Variants in OXSR1 observed in about 807,000 individuals in gnomAD.
OXSR1 encodes the protein oxidative stress responsive kinase 1, also known as serine/threonine-protein kinase OSR1.
A neutral mutation model predicts 79.8 loss-of-function variants in OXSR1; 24 were observed. That is an observed-to-expected ratio of 0.30 (90% CI 0.22 to 0.42). The LOEUF (loss-of-function observed/expected upper bound fraction) is 0.42. Ranked by LOEUF, OXSR1 falls within the 10% of genes least tolerant of loss-of-function variation. OXSR1 has a pLI of 1.00. For synonymous variants in OXSR1, 226 were observed against 209.2 expected, an observed-to-expected ratio of 1.08 and a Z score of -0.69; for missense variants, 430 against 618.4, an observed-to-expected ratio of 0.70 and a Z score of 3.23.
In OXSR1 at chr3:38,165,841, G is replaced by A. The variant is rs1477035214; in HGVS notation, c.-36G>A. 4 of 1,585,348 alleles carry A rather than the reference G, an allele frequency of 2.5e-6. No individual in the cohort carries two copies. The Admixed American group carries it at 6.9e-5, about 28-fold the overall frequency. ...CGGCGAGGAGACGAGCGAGGTCAGC[G>A]AGTTTGAGGGAGGACCGCGAGCCGC... On this transcript the variant is annotated 5_prime_UTR_variant, in exon 1 of 18. Coordinates refer to ENST00000311806, the MANE Select transcript of OXSR1 (RefSeq NM_005109.3).
chr3:38,247,780 T>G, intron 14 of OXSR1, 48 bp downstream of exon 14: 2 of 1,192,930 alleles, frequency 1.7e-6, no homozygotes, highest in Non-Finnish European at 2.5e-6. Context: ...CTGAATATTC[T>G]GCATGTGCTG....
intron 12 of OXSR1, 114 bp from the exon 13 acceptor site, chr3:38,245,961 A>G: frequency 1.1e-6 from 1 of 877,770 alleles, no homozygotes; most frequent in Admixed American, 1.8e-5. Context: ...CAAAACCTGT[A>G]CACTACCCAA....
At chr3:38,231,419 T>C (rs1244269591) in intron 10 of OXSR1, among the ~76,000 whole-genome samples, 4 of 152,162 alleles carry the variant, frequency 2.6e-5, no homozygotes, top group Non-Finnish European at 1.5e-5. Context: ...TGGACAATTA[T>C]TCTCATGGAT....
At chr3:38,177,791 T>C (rs994144095) in intron 1 of OXSR1, among the ~76,000 whole-genome samples, 3 of 152,158 alleles carry the variant, frequency 2.0e-5, no homozygotes, top group Non-Finnish European at 4.4e-5. Context: ...TCTTGCCATG[T>C]TGCCCAGGCT....
upstream of OXSR1, chr3:38,165,219 A>C (rs1271444607): frequency 6.6e-6 from 1 of 152,356 alleles, no homozygotes; most frequent in Non-Finnish European, 1.5e-5. Context: ...GCGACGACGG[A>C]GACAGCAGCG....
At chr3:38,207,675 G>T (rs552421251) in intron 4 of OXSR1, among the ~76,000 whole-genome samples, 1 of 152,242 alleles carries the variant, frequency 6.6e-6, no homozygotes, top group South Asian at 2.1e-4. Flanking sequence ...AATATCAGTA[G>T]TGCTGGGACA....
At chr3:38,230,264 A>G (rs1228579832) in intron 9 of OXSR1, 101 bp from the exon 10 acceptor site, 1 of 748,758 alleles carries the variant, frequency 1.3e-6, no homozygotes, top group African/African-American at 1.8e-5. Context: ...TCATTACAGA[A>G]CAGTTACTAT....
chr3:38,244,187 TCTC>T (rs1703090766), intron 12 of OXSR1, among the ~76,000 whole-genome samples: 1 of 152,188 alleles, frequency 6.6e-6, no homozygotes, highest in South Asian at 2.1e-4. Flanking sequence ...TTTTTAGTCT[TCTC>T]CTTGTTCCTT....
chr3:38,206,668 G>A (rs1303988887), intron 4 of OXSR1, among the ~76,000 whole-genome samples: 1 of 152,108 alleles, frequency 6.6e-6, no homozygotes, highest in Non-Finnish European at 1.5e-5. Flanking sequence ...ATAGATATAT[G>A]GATATGCTAA....
At chr3:38,194,642 A>T (rs1340069241) in intron 3 of OXSR1, among the ~76,000 whole-genome samples, 1 of 152,178 alleles carries the variant, frequency 6.6e-6, no homozygotes, top group Non-Finnish European at 1.5e-5. Context: ...TAGAGAGAAT[A>T]CTGTGGAAAC....
chr3:38,211,642 G>A (rs549482745), intron 4 of OXSR1, among the ~76,000 whole-genome samples: 2 of 152,222 alleles, frequency 1.3e-5, no homozygotes, highest in Non-Finnish European at 2.9e-5. Context: ...GGGAGTTTTA[G>A]TTTTAGCTCC....
intron 5 of OXSR1, among the ~76,000 whole-genome samples, chr3:38,220,626 A>G (rs1702570258): frequency 6.6e-6 from 1 of 152,234 alleles, no homozygotes; most frequent in African/African-American, 2.4e-5. Context: ...AGAATAAAAC[A>G]AATCTAGCCT....
chr3:38,183,512 G>C (rs1352536660), intron 2 of OXSR1, among the ~76,000 whole-genome samples: 4 of 152,092 alleles, frequency 2.6e-5, no homozygotes, highest in Admixed American at 2.6e-4. Flanking sequence ...TATGATATTT[G>C]CTAATTACTT....
chr3:38,166,016 C>A, intron 1 of OXSR1, 70 bp downstream of exon 1: 1 of 1,399,336 alleles, frequency 7.1e-7, no homozygotes, highest in Non-Finnish European at 1.0e-6. Flanking sequence ...CGTGGGGAGC[C>A]GCGGGAGCTC....
chr3:38,187,029 G>C (rs1387546852), intron 2 of OXSR1, among the ~76,000 whole-genome samples: 7 of 151,978 alleles, frequency 4.6e-5, no homozygotes, highest in Non-Finnish European at 1.0e-4. Flanking sequence ...TGTAATATTT[G>C]GCAAAGTGAA....
intron 2 of OXSR1, among the ~76,000 whole-genome samples, chr3:38,184,954 G>GTTTTTTTTT (rs1559503629): frequency 7.3e-5 from 7 of 96,226 alleles, no homozygotes; most frequent in Admixed American, 1.2e-4. Flanking sequence ...TTTTTTTTGG[G>GTTTTTTTTT]TTTCTTTGAG....
chr3:38,215,167 T>C (rs1702458766), intron 4 of OXSR1, among the ~76,000 whole-genome samples: 1 of 152,332 alleles, frequency 6.6e-6, no homozygotes, highest in Non-Finnish European at 1.5e-5. Context: ...AATGCACTGG[T>C]CTCTTATTTG....
chr3:38,168,801 T>G (rs1430102390), intron 1 of OXSR1, among the ~76,000 whole-genome samples: 1 of 152,220 alleles, frequency 6.6e-6, no homozygotes, highest in African/African-American at 2.4e-5. Flanking sequence ...TTCTTTTACT[T>G]TCCATAATGC....
intron 11 of OXSR1, among the ~76,000 whole-genome samples, 169 bp downstream of exon 11, chr3:38,237,130 G>T (rs1044592261): frequency 6.6e-6 from 1 of 152,096 alleles, no homozygotes; most frequent in East Asian, 1.9e-4. Flanking sequence ...ATATCTGTTT[G>T]AATATGATAA....
Sources: allele counts gnomAD v4.1 joint callset (sites outside exome capture counted in the v4.1 genomes callset), GRCh38; gene constraint gnomAD v4.1.1; transcripts MANE v1.5; gene names NCBI Gene and HGNC (gene_info 2026-07-23, HGNC 2026-07-21).